FMO5: variants seen among roughly 807,000 people sequenced by gnomAD.
The protein encoded by FMO5 is flavin-containing monooxygenase 5.
In FMO5, 51 loss-of-function variants were observed where a neutral mutation model predicts 43.6. That is an observed-to-expected ratio of 1.17 (90% confidence interval 0.93 to 1.48). FMO5 has a LOEUF of 1.48. Among genes scored for constraint, FMO5 ranks in the 40% most tolerant of loss-of-function variants. FMO5 has a pLI of 0.00. For synonymous variants in FMO5, 187 were observed against 216.5 expected (o/e 0.86, Z 1.20); for missense variants, 644 against 643.0 (o/e 1.00, Z -0.02).
intron 8 of FMO5, among the ~76,000 whole-genome samples, chr1:147,188,582 C>T (rs1446882766): frequency 6.8e-6 from 1 of 147,792 alleles, no homozygotes; most frequent in African/African-American, 2.5e-5. Flanking sequence ...AAAAGAGGTT[C>T]ACTAGCTCCT....
At chr1:147,216,811 A>G (rs1553925147) in intron 2 of FMO5, among the ~76,000 whole-genome samples, 1 of 152,228 alleles carries the variant, frequency 6.6e-6, no homozygotes, top group East Asian at 1.9e-4. Flanking sequence ...ACTGAATCAG[A>G]ACCTGCATCT....
chr1:147,195,937 CATT>C (rs1553919689), intron 7 of FMO5, among the ~76,000 whole-genome samples: 2 of 152,096 alleles, frequency 1.3e-5, no homozygotes, highest in African/African-American at 4.8e-5. Context: ...GCTGCTGGAA[CATT>C]ATTGTTTTTA....
At chr1:147,188,670 A>G (rs983872540) in intron 8 of FMO5, among the ~76,000 whole-genome samples, 1 of 151,828 alleles carries the variant, frequency 6.6e-6, no homozygotes, top group Non-Finnish European at 1.5e-5. Flanking sequence ...GGTTACATGT[A>G]TACATATGTA....
rs587659232 is a variant in FMO5 at position 147,222,638 on chromosome 1, A to C, written c.135+2257T>G. ...CTCTAGAAATATAACGGTGAACCAC[A>C]CAGGTGTGGTCTGTTGGAACAGAAG... On this transcript the variant is annotated intron_variant, in intron 2 of 8. Coordinates refer to ENST00000254090, the MANE Select transcript of FMO5 (RefSeq NM_001461.4). Among the ~76,000 whole-genome samples the C allele has an allele frequency of 2.8e-4, 42 of 152,380 alleles. No homozygotes were observed. The Middle Eastern group carries it at 0.01, about 37-fold the overall frequency.
chr1:147,186,163 A>C (rs1475593032), downstream of FMO5: 2 of 204,088 alleles, frequency 9.8e-6, no homozygotes, highest in African/African-American at 4.7e-5. Context: ...AAAGAGATTT[A>C]AAAAGGTAGG....
chr1:147,190,688 T>C (rs1229707897), intron 7 of FMO5, among the ~76,000 whole-genome samples: 1 of 152,106 alleles, frequency 6.6e-6, no homozygotes, highest in South Asian at 2.1e-4. Flanking sequence ...AAATTTTTTG[T>C]TTTTATTATT....
chr1:147,187,186 A>G lies in FMO5; in HGVS notation c.1316T>C (p.Leu439Pro), dbSNP rs1553917344. Residue 439 changes from leucine (L) to proline (P), a missense_variant, in exon 9 of 9, where the codon CTT becomes CCT. Leu to Pro is a moderately conservative substitution (Grantham distance 98). Coordinates refer to ENST00000254090, the MANE Select transcript of FMO5 (RefSeq NM_001461.4). ...GGGCCTGACCCCCACCAAATCAGCA[A>G]GCTCTTCCATGGTATCTATGTAGTC... is the stretch of plus-strand genomic sequence containing the variant. ...QGDYIDTMEELADLVGVRPNL... is the reference protein window; with the variant it reads ...QGDYIDTMEEPADLVGVRPNL... 29 of 1,614,134 alleles carry G rather than the reference A, an allele frequency of 1.8e-5. No homozygotes were observed. Among genetic ancestry groups the G allele is most frequent in the Non-Finnish European group, 2.4e-5 (28 of 1,180,012 alleles).
chr1:147,218,743 A>C (rs1662463767), intron 2 of FMO5, among the ~76,000 whole-genome samples: 1 of 152,216 alleles, frequency 6.6e-6, no homozygotes, highest in Admixed American at 6.5e-5. Context: ...TCAAATTTCT[A>C]AGTTATTAAA....
rs1456277239 is a variant in FMO5 at position 147,224,924 on chromosome 1, C to T, written c.106G>A (p.Asp36Asn). Residue 36 changes from aspartate (D) to asparagine (N), a missense_variant, in exon 2 of 9, where the codon GAT becomes AAT. By Grantham distance (23) the Asp-to-Asn change is conservative (BLOSUM62 1). Transcript: ENST00000254090. The part of the protein sequence containing the change: ...GLEPVCFERT[D>N]DIGGLWRFQE... ...AACCTCCAGAGCCCTCCGATGTCAT[C>T]AGTCCTTTCAAAGCAGACAGGTTCC... 1 of 1,614,118 alleles carries T rather than the reference C, an allele frequency of 6.2e-7. No homozygotes were observed. The highest frequency in any genetic ancestry group is 1.3e-5 in the African/African-American group (1 of 75,022).
chr1:147,204,930 C>A lies in FMO5; in HGVS notation c.831-3426G>T, dbSNP rs587705898. 7 of 1,554,716 alleles carry A rather than the reference C, an allele frequency of 4.5e-6. No homozygotes were observed. The South Asian group carries it at 7.8e-5, about 17-fold the overall frequency. On this transcript the variant is annotated intron_variant, in intron 6 of 8. Coordinates refer to ENST00000254090, the MANE Select transcript of FMO5 (RefSeq NM_001461.4). The stretch of plus-strand genomic sequence containing the variant: ...CCGGAGCCTTGGGAACTTGAAGCGC[C>A]ATGGCCAGCCTGCAGGAAGCCGTTC...
At position 147,213,346 on chromosome 1, in the gene FMO5, T is replaced by C. The variant is rs1553924179; in HGVS notation, c.449A>G (p.His150Arg). The C allele has an allele frequency of 1.2e-6, 2 of 1,612,842 alleles. No individual in the cohort carries two copies. Among genetic ancestry groups the C allele is most frequent in the South Asian group, 1.1e-5 (1 of 90,814 alleles). Reference sequence around the variant, plus strand: ...CAGAGGTAGATGAGCATTGGTGTGATGGCCAGTGCAAACCATGACTCCATC... The same window carrying C: ...CAGAGGTAGATGAGCATTGGTGTGACGGCCAGTGCAAACCATGACTCCATC... ...VFDGVMVCTG[H>R]HTNAHLPLES... Residue 150 changes from histidine to arginine, a missense_variant, in exon 4 of 9, where the codon CAT becomes CGT. Transcript: ENST00000254090.
At chr1:147,203,976 C>A in intron 6 of FMO5, 1 of 1,214,660 alleles carries the variant, frequency 8.2e-7, no homozygotes, top group Non-Finnish European at 1.2e-6. Context: ...CTTCGGACAT[C>A]CCATTTTGAG....
At position 147,201,858 on chromosome 1, in the gene FMO5, G is replaced by T. The variant is rs587611895; in HGVS notation, c.831-354C>A. On this transcript the variant is annotated intron_variant, in intron 6 of 8. Coordinates refer to ENST00000254090, the MANE Select transcript of FMO5 (RefSeq NM_001461.4). ...CCAAGAAGTCTGACAGAACTAAGCT[G>T]TCAACATTCTGTTCAGTCTCATTTC... is the stretch of plus-strand genomic sequence containing the variant. Among the ~76,000 whole-genome samples, 246 of 152,314 alleles carry T rather than the reference G, an allele frequency of 1.6e-3. 2 individuals are homozygous for T. The highest frequency in any genetic ancestry group is 6.8e-3 in the Middle Eastern group (2 of 294).
At chr1:147,208,414 G>C (rs1660462345) in intron 6 of FMO5, 1 of 151,614 alleles carries the variant, frequency 6.6e-6, no homozygotes, top group Non-Finnish European at 1.5e-5. Flanking sequence ...CAGATTCTAT[G>C]AGTCTATAGG....
At chr1:147,187,452 C>G (rs1280313699) in intron 8 of FMO5, among the ~76,000 whole-genome samples, 1 of 152,114 alleles carries the variant, frequency 6.6e-6, no homozygotes, top group East Asian at 1.9e-4. Context: ...AGCGAGACTT[C>G]TGAGTGGTTT....
At chr1:147,198,288 T>C (rs1269682159) in intron 7 of FMO5, among the ~76,000 whole-genome samples, 1 of 152,182 alleles carries the variant, frequency 6.6e-6, no homozygotes, top group African/African-American at 2.4e-5. Flanking sequence ...ATACCTCTTA[T>C]GTGCTAGGCA....
At chr1:147,212,316 T>C in intron 5 of FMO5, 77 bp downstream of exon 5, 1 of 1,463,374 alleles carries the variant, frequency 6.8e-7, no homozygotes, top group Non-Finnish European at 9.5e-7. Context: ...CTATTCTCTG[T>C]TGGGTCCACC....
intron 7 of FMO5, among the ~76,000 whole-genome samples, chr1:147,195,714 T>C (rs1657874160): frequency 6.6e-6 from 1 of 152,150 alleles, no homozygotes; most frequent in Non-Finnish European, 1.5e-5. Flanking sequence ...CTATGCCATG[T>C]AGAAGATTTT....
At chr1:147,207,460 C>T (rs1038613498) in intron 6 of FMO5, among the ~76,000 whole-genome samples, 4 of 152,170 alleles carry the variant, frequency 2.6e-5, no homozygotes, top group African/African-American at 9.7e-5. Flanking sequence ...CCCTGGTTCT[C>T]TGAGGACCCC....
Sources: allele counts gnomAD v4.1 joint callset (sites outside exome capture counted in the v4.1 genomes callset), GRCh38; gene constraint gnomAD v4.1.1; transcripts MANE v1.5; gene names NCBI Gene and HGNC (gene_info 2026-07-23, HGNC 2026-07-21).